Variants in FNIP2 observed in about 807,000 individuals in gnomAD.
The protein encoded by FNIP2 is folliculin interacting protein 2, also known as folliculin-interacting protein 2.
Under a neutral mutation model 108.7 loss-of-function variants are expected in FNIP2, and 32 were observed. The ratio of observed to expected loss-of-function variants is 0.29; its 90% CI spans 0.22 to 0.40. The LOEUF (loss-of-function observed/expected upper bound fraction) is 0.40. FNIP2 is among the 10% of genes least tolerant of loss of function. The pLI is 1.00. For synonymous variants in FNIP2, 480 were observed against 496.7 expected, an observed-to-expected ratio of 0.97 and a Z score of 0.45; for missense variants, 1,202 against 1,381.6, an observed-to-expected ratio of 0.87 and a Z score of 2.06.
chr4:158,904,590 C>T lies in FNIP2; in HGVS notation c.*46C>T. 6.6e-7 allele frequency: 1 copy of T among 1,509,680 alleles called. No individual in the cohort carries two copies. The highest frequency in any genetic ancestry group is 9.2e-7 in the Non-Finnish European group (1 of 1,091,550). 93.5% of individuals were successfully genotyped at this position (1,509,680 alleles called of 1,614,324 possible). ...TTCCTTGGAAGAAAAAAATCAAATT[C>T]TCAACTGAAGGAGAAAGGAATAAGC... On this transcript the variant is annotated 3_prime_UTR_variant, in exon 17 of 17. Coordinates refer to ENST00000264433, the MANE Select transcript of FNIP2 (RefSeq NM_020840.3).
intron 1 of FNIP2, among the ~76,000 whole-genome samples, chr4:158,783,858 G>A (rs1776131350): frequency 6.6e-6 from 1 of 152,124 alleles, no homozygotes; most frequent in African/African-American, 2.4e-5. Flanking sequence ...AGTAATGAAG[G>A]GTTTATTATG....
At chr4:158,835,681 C>A in intron 7 of FNIP2, 1 of 362,148 alleles carries the variant, frequency 2.8e-6, no homozygotes, top group Non-Finnish European at 5.2e-6. Flanking sequence ...TTTTTTCTAA[C>A]ACTCAAATTT....
At chr4:158,878,712 G>A (rs1236468668) in intron 14 of FNIP2, among the ~76,000 whole-genome samples, 1 of 152,064 alleles carries the variant, frequency 6.6e-6, no homozygotes, top group African/African-American at 2.4e-5. Flanking sequence ...TGAGTGGAGG[G>A]CAAGCGCATA....
rs1482128159 is a variant in FNIP2, at chr4:158,869,413, A to G, written c.2777A>G (p.Glu926Gly). ...AGGACTGGAGGGTCCTTGGAAGTGGAGCTGCCTCTGCCAAGGTAACTCCAG... is the reference window on the plus strand; with the variant it reads ...AGGACTGGAGGGTCCTTGGAAGTGGGGCTGCCTCTGCCAAGGTAACTCCAG... ...GDRTGGSLEV[E>G]LPLPRSQSIS... is the part of the protein sequence containing the mutation. The change falls in exon 13 of 17, where the codon GAG becomes GGG. Residue 926 changes from glutamate (E) to glycine (G), a missense_variant. Glu to Gly is a moderately conservative substitution (Grantham distance 98, BLOSUM62 -2). Around this residue, in one of 5 missense-constraint regions of FNIP2, gnomAD observed 878 missense variants for 990.3 expected, o/e 0.89. Coordinates refer to ENST00000264433, the MANE Select transcript of FNIP2 (RefSeq NM_020840.3). The G allele has an allele frequency of 5.6e-6, 9 of 1,601,174 alleles. No individual in the cohort carries two copies. The highest frequency in any genetic ancestry group is 7.7e-6 in the Non-Finnish European group (9 of 1,175,092).
intron 6 of FNIP2, chr4:158,834,267 T>G (rs563345737): frequency 7.3e-6 from 1 of 137,910 alleles, no homozygotes; most frequent in Non-Finnish European, 1.5e-5. Context: ...TAAAAGTCAC[T>G]CTAATAAGAG....
chr4:158,784,415 C>T (rs1278193302), intron 1 of FNIP2, among the ~76,000 whole-genome samples: 1 of 152,190 alleles, frequency 6.6e-6, no homozygotes, highest in Non-Finnish European at 1.5e-5. Flanking sequence ...ACAATTTTTC[C>T]ACAGACAGTG....
intron 1 of FNIP2, among the ~76,000 whole-genome samples, chr4:158,792,106 T>C (rs1239667604): frequency 6.6e-6 from 1 of 151,012 alleles, no homozygotes; most frequent in Non-Finnish European, 1.5e-5. Flanking sequence ...GCTGTCTCAA[T>C]ACACACACAC....
chr4:158,778,020 A>G (rs953021221), intron 1 of FNIP2, among the ~76,000 whole-genome samples: 3 of 152,222 alleles, frequency 2.0e-5, no homozygotes, highest in East Asian at 1.9e-4. Context: ...TGCTGCCTAC[A>G]CTGTTCATCA....
At chr4:158,883,293 G>A (rs571053509) in intron 14 of FNIP2, among the ~76,000 whole-genome samples, 6 of 152,178 alleles carry the variant, frequency 3.9e-5, no homozygotes, top group East Asian at 3.9e-4. Context: ...CCAGGCTGGA[G>A]TGCAGTGGCG....
intron 16 of FNIP2, among the ~76,000 whole-genome samples, chr4:158,900,704 C>T (rs1729146728): frequency 6.6e-6 from 1 of 152,086 alleles, no homozygotes; most frequent in South Asian, 2.1e-4. Flanking sequence ...TCCTCCATCT[C>T]TTTATTTTGA....
At chr4:158,790,437 T>A (rs1388868240) in intron 1 of FNIP2, among the ~76,000 whole-genome samples, 1 of 152,008 alleles carries the variant, frequency 6.6e-6, no homozygotes, top group African/African-American at 2.4e-5. Flanking sequence ...TACCAAAAAA[T>A]AGGCACAAGG....
In FNIP2 at chr4:158,859,098, G is replaced by A; in HGVS notation, c.899G>A (p.Ser300Asn). The change falls in exon 9 of 17, where the codon AGC becomes AAC. Residue 300 changes from serine (S) to asparagine (N), a missense_variant. Physicochemically the swap from Ser to Asn is conservative, Grantham distance 46. Around this residue, in one of 5 missense-constraint regions of FNIP2, gnomAD observed 878 missense variants for 990.3 expected, o/e 0.89. Coordinates refer to ENST00000264433, the MANE Select transcript of FNIP2 (RefSeq NM_020840.3). ...TTCAGCTTGGCTGAAGAAACCTGTAGCTCTAATCCAGCTATGGTTAGGAGG... is the reference window on the plus strand; with the variant it reads ...TTCAGCTTGGCTGAAGAAACCTGTAACTCTAATCCAGCTATGGTTAGGAGG... Reference protein sequence around the residue: ...ETFSLAEETCSSNPAMVRRKK... With the variant: ...ETFSLAEETCNSNPAMVRRKK... 1 of 1,613,988 alleles carries A rather than the reference G, an allele frequency of 6.2e-7. No homozygotes were observed. The highest frequency in any genetic ancestry group is 1.3e-5 in the African/African-American group (1 of 75,050).
intron 14 of FNIP2, among the ~76,000 whole-genome samples, chr4:158,879,388 C>T (rs979141091): frequency 2.0e-5 from 3 of 150,466 alleles, no homozygotes; most frequent in Non-Finnish European, 4.4e-5. Context: ...GCGCACAAGG[C>T]GGCTGTGGTG....
chr4:158,796,633 A>G (rs1020643704), intron 1 of FNIP2, among the ~76,000 whole-genome samples: 1 of 152,238 alleles, frequency 6.6e-6, no homozygotes, highest in African/African-American at 2.4e-5. Flanking sequence ...AGCAACTCAA[A>G]TAGGACAGTG....
chr4:158,878,505 G>A (rs1159433884), intron 14 of FNIP2, among the ~76,000 whole-genome samples: 9 of 152,046 alleles, frequency 5.9e-5, no homozygotes, highest in South Asian at 2.1e-4. Flanking sequence ...AGTGATTTGC[G>A]AATCCCTACC....
Position 158,798,010 on chromosome 4 carries a change from T to C in FNIP2, c.108-27906T>C, listed in dbSNP as rs146858730. On this transcript the variant is annotated intron_variant, in intron 1 of 16. Coordinates refer to ENST00000264433, the MANE Select transcript of FNIP2 (RefSeq NM_020840.3). ...TTATCCTGTTTACAACTATTTACAC[T>C]GACAGCCTTTAAAACACCAAGGCTT... 7.2e-5 allele frequency among the ~76,000 whole-genome samples: 11 copies of C among 152,338 alleles called. No homozygotes were observed. In the East Asian group the frequency reaches 2.1e-3, roughly 29 times the overall value.
intron 1 of FNIP2, among the ~76,000 whole-genome samples, chr4:158,791,706 A>G (rs1578828379): frequency 6.6e-6 from 1 of 152,252 alleles, no homozygotes; most frequent in East Asian, 1.9e-4. Context: ...ACAGAGGATA[A>G]TGCCTCCCTG....
In FNIP2 at chr4:158,905,858, C is replaced by G. The variant is rs1729793094; in HGVS notation, c.*1314C>G. The stretch of plus-strand genomic sequence containing the variant: ...AGCTAGCAAAGCAAAACATCTTTAG[C>G]ACTTTGCAGATCTCAAGCAGTTAAC... On this transcript the variant is annotated 3_prime_UTR_variant, in exon 17 of 17. Transcript: ENST00000264433. 1 of 152,204 alleles carries G rather than the reference C, an allele frequency of 6.6e-6. No homozygotes were observed. The highest frequency in any genetic ancestry group is 6.5e-5 in the Admixed American group (1 of 15,282). 9.4% of individuals were successfully genotyped at this position (152,204 alleles called of 1,614,324 possible).
chr4:158,852,078 A>G (rs1251215338), intron 8 of FNIP2, among the ~76,000 whole-genome samples: 2 of 152,236 alleles, frequency 1.3e-5, no homozygotes, highest in African/African-American at 4.8e-5. Context: ...TAACTGATTT[A>G]GTAAATTGAC....
Sources: gnomAD v4.1 joint callset for allele counts (sites outside exome capture counted in the v4.1 genomes callset) on GRCh38, gnomAD v4.1.1 for gene constraint, gnomAD v4.1.1 regional missense constraint, MANE v1.5 for transcripts, NCBI Gene and HGNC (gene_info 2026-07-23, HGNC 2026-07-21) for gene names.